Variants in CYP27C1 observed in about 807,000 individuals in gnomAD.
CYP27C1 encodes cytochrome P450 family 27 subfamily C member 1, also known as cytochrome P450 27C1.
Under a neutral mutation model 40.6 loss-of-function variants are expected in CYP27C1, and 29 were observed. That is an observed-to-expected ratio of 0.71 (90% confidence interval 0.53 to 0.97). The LOEUF (loss-of-function observed/expected upper bound fraction) is 0.97, where lower values mean the gene tolerates loss of function less well. Ranked by LOEUF, CYP27C1 falls within the 50% of genes least tolerant of loss-of-function variation. The pLI, the probability that CYP27C1 is intolerant of heterozygous loss-of-function variation, is 0.00. For missense variants in CYP27C1, 390 were observed against 485.8 expected (o/e 0.80, Z 1.85); for synonymous variants, 198 against 186.8 (o/e 1.06, Z -0.49).
At chr2:127,213,191 T>C (rs907565140) in intron 1 of CYP27C1, among the ~76,000 whole-genome samples, 1 of 152,106 alleles carries the variant, frequency 6.6e-6, no homozygotes, top group African/African-American at 2.4e-5. Flanking sequence ...TGGAAAAACA[T>C]TCCATCCTTA....
rs1433536024 is a variant in CYP27C1 at position 127,196,015 on chromosome 2, A to C, written c.1048-514T>G. Among the ~76,000 whole-genome samples, 2 of 152,060 alleles carry C rather than the reference A, an allele frequency of 1.3e-5. No homozygotes were observed. Among genetic ancestry groups the C allele is most frequent in the East Asian group, 3.8e-4 (2 of 5,196 alleles). On this transcript the variant is annotated intron_variant, in intron 5 of 8. Coordinates refer to ENST00000664447, the MANE Select transcript of CYP27C1 (RefSeq NM_001367502.1). This position sits in a 1 kb window ranked among gnomAD's most constrained non-coding sequence, Gnocchi z 4.5. ...TAGCCATCGTGTCCTGCCTTCATCA[A>C]GTAAGGTCCACACAGAGCAAGTCAA...
In CYP27C1 at chr2:127,219,881, C is replaced by T. The variant is rs2104705541; in HGVS notation, c.282+108G>A. The stretch of plus-strand genomic sequence containing the variant: ...CCGGGGATCCCTGCCCGCCGCCCCT[C>T]CCTGGGACTCCCCAACCCCGCGCCC... On this transcript the variant is annotated intron_variant, in intron 1 of 8. Transcript: ENST00000664447. The surrounding 1 kb of genome is among the most constrained non-coding windows in gnomAD (Gnocchi z 8.7). 1 of 152,542 alleles carries T rather than the reference C, an allele frequency of 6.6e-6. No individual in the cohort carries two copies. The highest frequency in any genetic ancestry group is 1.5e-5 in the Non-Finnish European group (1 of 68,358). The allele number at this position is 152,542 out of a possible 1,614,324, so 9.4% of individuals were successfully genotyped here. A position where few individuals can be genotyped will look rare whatever the true frequency, so the allele number is the denominator to read the frequency against.
rs571622494 is a variant in CYP27C1, at chr2:127,218,027, C to T, written c.282+1962G>A. 2.6e-5 allele frequency among the ~76,000 whole-genome samples: 4 copies of T among 152,172 alleles called. No individual in the cohort carries two copies. In the South Asian group the frequency reaches 8.3e-4, roughly 32 times the overall value. On this transcript the variant is annotated intron_variant, in intron 1 of 8. Coordinates refer to ENST00000664447, the MANE Select transcript of CYP27C1 (RefSeq NM_001367502.1). The surrounding 1 kb of genome is among the most constrained non-coding windows in gnomAD (Gnocchi z 6.0). Reference sequence around the variant, plus strand: ...TCTTTTACTCTCCAGGTCCTGTGTGCGCTTGGTGAGAAGGCAGCAAGTGAG... The same window carrying T: ...TCTTTTACTCTCCAGGTCCTGTGTGTGCTTGGTGAGAAGGCAGCAAGTGAG...
At chr2:127,203,918 A>G (rs1008239383) in intron 2 of CYP27C1, among the ~76,000 whole-genome samples, 8 of 151,904 alleles carry the variant, frequency 5.3e-5, no homozygotes, top group African/African-American at 1.9e-4. Flanking sequence ...AGAAAAATAT[A>G]TATATATATG....
chr2:127,190,331 C>CTTTTTTTTTTTGTTTTTTTTTT, intron 8 of CYP27C1, among the ~76,000 whole-genome samples: 1 of 120,228 alleles, frequency 8.3e-6, no homozygotes, highest in Non-Finnish European at 1.6e-5. Context: ...TGTGGCTTCT[C>CTTTTTTTTTTTGTTTTTTTTTT]TTTTTTTTTT....
At position 127,187,298 on chromosome 2, in the gene CYP27C1, G is replaced by A; in HGVS notation, c.1587C>T (p.Ile529=). The change falls in exon 9 of 9, where the codon ATC becomes ATT. Residue 529 remains isoleucine (I), a synonymous_variant. Coordinates refer to ENST00000664447, the MANE Select transcript of CYP27C1 (RefSeq NM_001367502.1). ...THGLLTPGGP[I]HVRFVNRK ...ACTTTCTGTTAACAAATCGCACGTG[G>A]ATGGGCCCCCCTGGCGTCAGGAGCC... The A allele has an allele frequency of 1.9e-6, 3 of 1,614,170 alleles. No homozygotes were observed. Among genetic ancestry groups the A allele is most frequent in the Non-Finnish European group, 2.5e-6 (3 of 1,180,012 alleles).
At chr2:127,194,543 C>A (rs756659313) in intron 6 of CYP27C1, among the ~76,000 whole-genome samples, 1 of 152,128 alleles carries the variant, frequency 6.6e-6, no homozygotes, top group African/African-American at 2.4e-5. Context: ...CCAGGACAAC[C>A]CACATCCCTC....
At chr2:127,203,284 G>A in intron 3 of CYP27C1, 88 bp downstream of exon 3, 1 of 1,469,770 alleles carries the variant, frequency 6.8e-7, no homozygotes, top group Admixed American at 2.0e-5. Flanking sequence ...ACACTGCCTG[G>A]GACCCAGGGA....
At chr2:127,214,587 C>G (rs1290693665) in intron 1 of CYP27C1, among the ~76,000 whole-genome samples, 1 of 152,022 alleles carries the variant, frequency 6.6e-6, no homozygotes, top group African/African-American at 2.4e-5. Context: ...CCAAATACTG[C>G]ATGTTCTTAT....
At position 127,209,682 on chromosome 2, in the gene CYP27C1, G is replaced by C. The variant is rs1278928353; in HGVS notation, c.283-3592C>G. Among the ~76,000 whole-genome samples, 1 of 152,172 alleles carries C rather than the reference G, an allele frequency of 6.6e-6. No individual in the cohort carries two copies. The highest frequency in any genetic ancestry group is 2.4e-5 in the African/African-American group (1 of 41,424). The stretch of plus-strand genomic sequence containing the variant: ...AGAGAGGAACATAAATGACCAGATG[G>C]AGCTGAAAAACACAGTGTGAGAACT... On this transcript the variant is annotated intron_variant, in intron 1 of 8. Transcript: ENST00000664447. The surrounding 1 kb of genome is among the most constrained non-coding windows in gnomAD (Gnocchi z 4.1).
At chr2:127,204,602 A>AAGCAAGC (rs1558931515) in intron 2 of CYP27C1, among the ~76,000 whole-genome samples, 87 of 99,788 alleles carry the variant, frequency 8.7e-4, no homozygotes, top group African/African-American at 3.6e-3. Flanking sequence ...AGAAAGAAAG[A>AAGCAAGC]AAGAAAGAAA....
intron 8 of CYP27C1, among the ~76,000 whole-genome samples, chr2:127,192,836 G>C (rs1485345840): frequency 1.3e-5 from 1 of 75,184 alleles, no homozygotes; most frequent in South Asian, 3.3e-4. Context: ...TTTTGGATAG[G>C]GTCTCACTCT....
At chr2:127,198,608 A>G (rs555374083) in intron 5 of CYP27C1, among the ~76,000 whole-genome samples, 18 of 152,234 alleles carry the variant, frequency 1.2e-4, no homozygotes, top group Non-Finnish European at 2.4e-4. Flanking sequence ...CCAATATACA[A>G]TGGTGATCCC....
chr2:127,210,434 T>G (rs1192899346), intron 1 of CYP27C1, among the ~76,000 whole-genome samples: 1 of 152,088 alleles, frequency 6.6e-6, no homozygotes, highest in African/African-American at 2.4e-5. Context: ...CCAATGACAC[T>G]ACGAAGAAAC....
chr2:127,219,354 G>C lies in CYP27C1; in HGVS notation c.282+635C>G, dbSNP rs1281844580. 6.6e-6 allele frequency among the ~76,000 whole-genome samples: 1 copy of C among 151,564 alleles called. No individual in the cohort carries two copies. The highest frequency in any genetic ancestry group is 2.4e-5 in the African/African-American group (1 of 41,228). ...GCCCCTCCCCAAGTCTCCTCCTCCG[G>C]GACCTCAGCCCTGGTGCCCTCCCCG... On this transcript the variant is annotated intron_variant, in intron 1 of 8. Transcript: ENST00000664447. This position sits in a 1 kb window ranked among gnomAD's most constrained non-coding sequence, Gnocchi z 8.7.
Position 127,186,752 on chromosome 2 carries a change from T to A in CYP27C1, c.*519A>T, listed in dbSNP as rs1682634832. On this transcript the variant is annotated 3_prime_UTR_variant, in exon 9 of 9. Coordinates refer to ENST00000664447, the MANE Select transcript of CYP27C1 (RefSeq NM_001367502.1). This position sits in a 1 kb window ranked among gnomAD's most constrained non-coding sequence, Gnocchi z 4.5. ...CAGGATCTAAATCTGGTGCTCAGGA[T>A]AAAATGTTGCCTCTGGTGCTTTCTT... 1 of 152,766 alleles carries A rather than the reference T, an allele frequency of 6.5e-6. No homozygotes were observed. The highest frequency in any genetic ancestry group is 1.5e-5 in the Non-Finnish European group (1 of 68,440). The allele number at this position is 152,766 out of a possible 1,614,324, so 9.5% of individuals were successfully genotyped here. A position where few individuals can be genotyped will look rare whatever the true frequency, so the allele number is the denominator to read the frequency against.
chr2:127,208,439 C>T lies in CYP27C1; in HGVS notation c.283-2349G>A, dbSNP rs1447351496. ...AGCCAAGCATCCCAACCCTGGTATG[C>T]ACAGATTCCTACAGCCTCTCAGCTG... is the stretch of plus-strand genomic sequence containing the variant. On this transcript the variant is annotated intron_variant, in intron 1 of 8. Coordinates refer to ENST00000664447, the MANE Select transcript of CYP27C1 (RefSeq NM_001367502.1). The surrounding 1 kb of genome is among the most constrained non-coding windows in gnomAD (Gnocchi z 5.2). Among the ~76,000 whole-genome samples, 1 of 152,158 alleles carries T rather than the reference C, an allele frequency of 6.6e-6. No homozygotes were observed. Among genetic ancestry groups the T allele is most frequent in the Non-Finnish European group, 1.5e-5 (1 of 68,004 alleles).
rs1683289092 is a variant in CYP27C1, at chr2:127,209,097, A to G, written c.283-3007T>C. ...AGATACCCTATACAGAAGCAATCCTACTGGCATCAGGTTGATGCCCCTTGA... is the reference window on the plus strand; with the variant it reads ...AGATACCCTATACAGAAGCAATCCTGCTGGCATCAGGTTGATGCCCCTTGA... On this transcript the variant is annotated intron_variant, in intron 1 of 8. Coordinates refer to ENST00000664447, the MANE Select transcript of CYP27C1 (RefSeq NM_001367502.1). The surrounding 1 kb of genome is among the most constrained non-coding windows in gnomAD (Gnocchi z 4.1). Among the ~76,000 whole-genome samples the G allele has an allele frequency of 6.6e-6, 1 of 152,178 alleles. No individual in the cohort carries two copies. The highest frequency in any genetic ancestry group is 2.1e-4 in the South Asian group (1 of 4,830).
intron 6 of CYP27C1, 34 bp from the exon 7 acceptor site, chr2:127,193,901 G>C: frequency 6.2e-7 from 1 of 1,610,740 alleles, no homozygotes; most frequent in Non-Finnish European, 8.5e-7. Flanking sequence ...GGAATGGCGT[G>C]GTGACTTTCA....
Sources: allele counts gnomAD v4.1 joint callset (sites outside exome capture counted in the v4.1 genomes callset), GRCh38; gene constraint gnomAD v4.1.1; non-coding constraint Gnocchi (gnomAD v3.1); transcripts MANE v1.5; gene names NCBI Gene and HGNC (gene_info 2026-07-23, HGNC 2026-07-21).